RNLS: variants seen among roughly 807,000 people sequenced by gnomAD.
RNLS encodes the protein renalase.
Under a neutral mutation model 39.8 loss-of-function variants are expected in RNLS, and 39 were observed. The observed-to-expected ratio is 0.98, with a 90% CI of 0.76 to 1.28. The LOEUF (loss-of-function observed/expected upper bound fraction) is 1.28, where lower values mean the gene tolerates loss of function less well. Among genes scored for constraint, RNLS ranks in the 50% most tolerant of loss-of-function variants. RNLS has a pLI of 0.00. For missense variants in RNLS, 410 were observed against 413.3 expected, an observed-to-expected ratio of 0.99 and a Z score of 0.07; for synonymous variants, 147 against 150.7, an observed-to-expected ratio of 0.98 and a Z score of 0.18.
intron 4 of RNLS, among the ~76,000 whole-genome samples, chr10:88,382,751 A>G (rs1851627982): frequency 6.6e-6 from 1 of 152,102 alleles, no homozygotes; most frequent in Admixed American, 6.5e-5. Context: ...GATATAGCTG[A>G]TACCACTCAG....
chr10:88,320,626 A>G (rs1216464720), intron 5 of RNLS, among the ~76,000 whole-genome samples: 1 of 150,388 alleles, frequency 6.6e-6, no homozygotes, highest in African/African-American at 2.5e-5. Flanking sequence ...ATGGAAAACA[A>G]AAAAGAGTAA....
At position 88,393,293 on chromosome 10, in the gene RNLS, C is replaced by A. The variant is rs536019165; in HGVS notation, c.527-30568G>T. On this transcript the variant is annotated intron_variant, in intron 4 of 6. Transcript: ENST00000331772. ...GACATGATTGTATATCTAGAAAACCCCATCGTCTCAGCCCAAAATCTCCTC... is the reference window on the plus strand; with the variant it reads ...GACATGATTGTATATCTAGAAAACCACATCGTCTCAGCCCAAAATCTCCTC... Among the ~76,000 whole-genome samples, 1,362 of 151,906 alleles carry A rather than the reference C, an allele frequency of 9.0e-3. 21 individuals carry two copies. The highest frequency in any genetic ancestry group is 0.028 in the East Asian group (145 of 5,180).
At chr10:88,334,029 A>G (rs903495753) in intron 5 of RNLS, among the ~76,000 whole-genome samples, 1 of 152,216 alleles carries the variant, frequency 6.6e-6, no homozygotes, top group African/African-American at 2.4e-5. Flanking sequence ...TTATAGGAGC[A>G]CAAACTAATT....
chr10:88,509,701 T>C, intron 4 of RNLS, among the ~76,000 whole-genome samples: 1 of 150,270 alleles, frequency 6.7e-6, no homozygotes, highest in African/African-American at 2.5e-5. Flanking sequence ...CCAGGTGTTC[T>C]CTACCAAGCA....
Position 88,581,294 on chromosome 10 carries a change from G to GTGTATATATA in RNLS, c.367+272_367+273insTATATATACA, listed in dbSNP as rs1376395535. On this transcript the variant is annotated intron_variant, in intron 3 of 6. Coordinates refer to ENST00000331772, the MANE Select transcript of RNLS (RefSeq NM_001031709.3). ...AATATATATGTATGTGTGTGTGTGT[G>GTGTATATATA]TATATATATATATATATATATACAT... 2.5e-3 allele frequency among the ~76,000 whole-genome samples: 331 copies of GTGTATATATA among 129,848 alleles called. 1 individual carries two copies. The highest frequency in any genetic ancestry group is 9.3e-3 in the African/African-American group (311 of 33,620). The allele number at this position is 129,848 out of a possible 152,430, so 85.2% of individuals were successfully genotyped here.
exon 7 of RNLS, chr10:88,274,982 C>T (rs2132585117): frequency 6.2e-7 from 1 of 1,613,336 alleles, no homozygotes; most frequent in East Asian, 2.2e-5. Context: ...ATCCAATCGC[C>T]ATCATCCAGG....
chr10:88,510,286 A>T (rs929243803), intron 4 of RNLS, among the ~76,000 whole-genome samples: 3 of 152,154 alleles, frequency 2.0e-5, no homozygotes, highest in African/African-American at 4.8e-5. Context: ...GAAAAAAAAA[A>T]TGAGGCAGAT....
intron 4 of RNLS, among the ~76,000 whole-genome samples, chr10:88,410,829 A>T (rs1853608861): frequency 1.3e-5 from 2 of 152,188 alleles, no homozygotes; most frequent in Admixed American, 1.3e-4. Context: ...ATTCACTAAG[A>T]AATAAATTCA....
chr10:88,222,143 G>A, the RNLS span, among the ~76,000 whole-genome samples: 2 of 152,158 alleles, frequency 1.3e-5, no homozygotes, highest in Non-Finnish European at 2.9e-5. Flanking sequence ...GAAAACTGTG[G>A]CAGGAATTAT....
intron 4 of RNLS, among the ~76,000 whole-genome samples, chr10:88,422,068 C>A (rs2133763356): frequency 6.6e-6 from 1 of 152,310 alleles, no homozygotes; most frequent in Non-Finnish European, 1.5e-5. Context: ...TTCTACTGTC[C>A]TAGCTAACTC....
At chr10:88,581,740 A>AC in intron 2 of RNLS, 31 bp from the exon 3 acceptor site, 1 of 1,404,104 alleles carries the variant, frequency 7.1e-7, no homozygotes, top group African/African-American at 1.5e-5. Context: ...TATTTAATGT[A>AC]ATTATATACC....
At chr10:88,328,019 G>A (rs1846763298) in intron 5 of RNLS, among the ~76,000 whole-genome samples, 1 of 152,010 alleles carries the variant, frequency 6.6e-6, no homozygotes, top group African/African-American at 2.4e-5. Context: ...AGTGATTCTT[G>A]TGCCTCGCAT....
chr10:88,226,366 G>C, the RNLS span, among the ~76,000 whole-genome samples: 2 of 152,166 alleles, frequency 1.3e-5, no homozygotes, highest in African/African-American at 4.8e-5. Context: ...TATGCCTCTG[G>C]ATATAGTTGG....
chr10:88,419,882 T>C (rs903063679), intron 4 of RNLS, among the ~76,000 whole-genome samples: 5 of 152,000 alleles, frequency 3.3e-5, no homozygotes, highest in African/African-American at 7.2e-5. Context: ...TGGTGGTACA[T>C]GGCTGTAATC....
chr10:88,395,355 G>A (rs1235473732), intron 4 of RNLS, among the ~76,000 whole-genome samples: 6 of 151,448 alleles, frequency 4.0e-5, no homozygotes, highest in Non-Finnish European at 7.4e-5. Flanking sequence ...AGGAACTAAA[G>A]ACAAGCATGA....
At chr10:88,235,057 C>G in the RNLS span, among the ~76,000 whole-genome samples, 1 of 151,796 alleles carries the variant, frequency 6.6e-6, no homozygotes, top group African/African-American at 2.4e-5. Context: ...GTCAGGAGAT[C>G]GAGACCATCC....
intron 4 of RNLS, among the ~76,000 whole-genome samples, chr10:88,464,969 G>A (rs1347820548): frequency 6.6e-6 from 1 of 152,076 alleles, no homozygotes; most frequent in Non-Finnish European, 1.5e-5. Flanking sequence ...AACTGGAATG[G>A]CTGGGTTCAA....
At chr10:88,195,220 T>C in the RNLS span, among the ~76,000 whole-genome samples, 2 of 152,238 alleles carry the variant, frequency 1.3e-5, no homozygotes, top group African/African-American at 2.4e-5. Context: ...AAGGTGCTCT[T>C]TGGCAAAAGA....
intron 4 of RNLS, among the ~76,000 whole-genome samples, chr10:88,387,075 T>G (rs922839284): frequency 3.3e-5 from 5 of 152,196 alleles, no homozygotes; most frequent in African/African-American, 1.2e-4. Context: ...AAACATTTGC[T>G]TCAATATTGA....
Sources: gnomAD v4.1 joint callset for allele counts (sites outside exome capture counted in the v4.1 genomes callset) on GRCh38, gnomAD v4.1.1 for gene constraint, MANE v1.5 for transcripts, NCBI Gene and HGNC (gene_info 2026-07-23, HGNC 2026-07-21) for gene names.